GPC5: variants seen among roughly 807,000 people sequenced by gnomAD.
GPC5 encodes the protein glypican 5.
Under a neutral mutation model 53.9 loss-of-function variants are expected in GPC5, and 47 were observed. That is an observed-to-expected ratio of 0.87 (90% CI 0.69 to 1.11). The LOEUF (loss-of-function observed/expected upper bound fraction) is 1.11. Ranked by LOEUF, GPC5 falls within the 50% of genes most tolerant of loss-of-function variation. GPC5 has a pLI of 0.00. For missense variants in GPC5, 748 were observed against 713.1 expected, an observed-to-expected ratio of 1.05 and a Z score of -0.56; for synonymous variants, 286 against 263.3, an observed-to-expected ratio of 1.09 and a Z score of -0.84.
chr13:92,857,607 T>C (rs1879042939), intron 7 of GPC5, among the ~76,000 whole-genome samples: 1 of 151,960 alleles, frequency 6.6e-6, no homozygotes, highest in African/African-American at 2.4e-5. Flanking sequence ...ATAAGGAAGT[T>C]AAACAAATCA....
chr13:92,462,194 G>A (rs67133719), intron 7 of GPC5, among the ~76,000 whole-genome samples: 29,740 of 152,092 alleles, frequency 0.2, 3,244 homozygotes, highest in East Asian at 0.43. Flanking sequence ...TGACATTTTC[G>A]TAGGATCACT....
At chr13:92,671,080 C>T (rs1309508651) in intron 7 of GPC5, among the ~76,000 whole-genome samples, 1 of 152,038 alleles carries the variant, frequency 6.6e-6, no homozygotes, top group African/African-American at 2.4e-5. Flanking sequence ...AAGATGAAAG[C>T]AGTAAGAAAG....
chr13:91,818,808 A>C (rs181651984), intron 5 of GPC5, among the ~76,000 whole-genome samples: 100 of 152,262 alleles, frequency 6.6e-4, no homozygotes, highest in African/African-American at 2.3e-3. Context: ...TAAATACAAG[A>C]TGTTTTAGAG....
chr13:92,663,060 A>C (rs1021920675), intron 7 of GPC5, among the ~76,000 whole-genome samples: 4 of 152,098 alleles, frequency 2.6e-5, no homozygotes, highest in African/African-American at 9.7e-5. Context: ...CATGCAAGCC[A>C]ACAATTTAAA....
At chr13:92,062,898 A>T (rs1419667951) in intron 6 of GPC5, among the ~76,000 whole-genome samples, 35 of 152,036 alleles carry the variant, frequency 2.3e-4, no homozygotes, top group Non-Finnish European at 2.9e-5. Flanking sequence ...ATTGCTGGAG[A>T]TACAGTTATG....
chr13:91,448,462 C>T (rs1880952090), intron 1 of GPC5, among the ~76,000 whole-genome samples: 2 of 152,144 alleles, frequency 1.3e-5, no homozygotes, highest in South Asian at 4.1e-4. Flanking sequence ...CCACAAAAAA[C>T]CTTTTTCTTG....
chr13:92,112,723 T>C (rs989967735), intron 6 of GPC5, among the ~76,000 whole-genome samples: 1 of 152,146 alleles, frequency 6.6e-6, no homozygotes, highest in African/African-American at 2.4e-5. Flanking sequence ...TTTGTGTCCA[T>C]GTGCATGTAT....
chr13:92,455,393 T>C (rs1423589498), intron 7 of GPC5, among the ~76,000 whole-genome samples: 1 of 152,186 alleles, frequency 6.6e-6, no homozygotes, highest in Non-Finnish European at 1.5e-5. Context: ...TCTCTAAAAA[T>C]TCAAGATTTA....
chr13:91,600,499 A>G (rs1044523751), intron 2 of GPC5, among the ~76,000 whole-genome samples: 1 of 152,166 alleles, frequency 6.6e-6, no homozygotes, highest in Non-Finnish European at 1.5e-5. Context: ...AATGTACATC[A>G]TAAATATAAA....
intron 2 of GPC5, among the ~76,000 whole-genome samples, chr13:91,608,149 G>A (rs2033433383): frequency 6.6e-6 from 1 of 152,148 alleles, no homozygotes; most frequent in South Asian, 2.1e-4. Context: ...TAGGGTAGAT[G>A]GGAATATGGT....
At chr13:91,913,016 T>A (rs1314047210) in intron 6 of GPC5, among the ~76,000 whole-genome samples, 1 of 152,188 alleles carries the variant, frequency 6.6e-6, no homozygotes, top group East Asian at 1.9e-4. Flanking sequence ...CCAAGGTAAC[T>A]GTCCTGTACA....
chr13:91,518,632 A>C (rs1243882619), intron 2 of GPC5, among the ~76,000 whole-genome samples: 1 of 152,110 alleles, frequency 6.6e-6, no homozygotes, highest in Non-Finnish European at 1.5e-5. Flanking sequence ...AGCTCACTGC[A>C]AGCTCCGCCT....
chr13:92,710,252 G>A (rs1180332354), intron 7 of GPC5, among the ~76,000 whole-genome samples: 1 of 152,090 alleles, frequency 6.6e-6, no homozygotes, highest in Admixed American at 6.5e-5. Context: ...AGGAAGTTGT[G>A]AAAATCCAAC....
intron 5 of GPC5, among the ~76,000 whole-genome samples, chr13:91,765,371 A>C (rs1053926784): frequency 6.6e-6 from 1 of 152,222 alleles, no homozygotes; most frequent in Non-Finnish European, 1.5e-5. Flanking sequence ...ACTGAAAACA[A>C]GGTTTCAGTC....
chr13:92,002,442 G>A (rs2040563996), intron 6 of GPC5, among the ~76,000 whole-genome samples: 1 of 152,140 alleles, frequency 6.6e-6, no homozygotes, highest in African/African-American at 2.4e-5. Context: ...AACTGGGCAG[G>A]AGTCAATAAA....
At chr13:92,075,255 A>G (rs1462869686) in intron 6 of GPC5, among the ~76,000 whole-genome samples, 1 of 152,212 alleles carries the variant, frequency 6.6e-6, no homozygotes, top group Non-Finnish European at 1.5e-5. Flanking sequence ...CATCTCAAGC[A>G]AAATTTATAC....
rs369622956 is a variant in GPC5 at position 91,523,776 on chromosome 13, G to A, written c.325+74854G>A. 1.3e-3 allele frequency among the ~76,000 whole-genome samples: 195 copies of A among 152,226 alleles called. 1 individual carries two copies. The highest frequency in any genetic ancestry group is 4.4e-3 in the African/African-American group (184 of 41,542). Reference sequence around the variant, plus strand: ...TGTGAGGTGATGGATACATTAATTAGCTTAAATGTAGTTAATCACTTTATG... The same window carrying A: ...TGTGAGGTGATGGATACATTAATTAACTTAAATGTAGTTAATCACTTTATG... On this transcript the variant is annotated intron_variant, in intron 2 of 7. Coordinates refer to ENST00000377067, the MANE Select transcript of GPC5 (RefSeq NM_004466.6).
chr13:92,643,800 C>T (rs186845885), intron 7 of GPC5, among the ~76,000 whole-genome samples: 7,060 of 150,320 alleles, frequency 0.047, 229 homozygotes, highest in African/African-American at 0.091. Context: ...GTGGGTGCAG[C>T]GCACCAGCAT....
chr13:92,104,265 A>G (rs1352651757), intron 6 of GPC5, among the ~76,000 whole-genome samples: 1 of 152,280 alleles, frequency 6.6e-6, no homozygotes, highest in East Asian at 1.9e-4. Context: ...GAAGGCTACC[A>G]GGGAGCAGGG....
Sources: gnomAD v4.1 joint callset for allele counts (sites outside exome capture counted in the v4.1 genomes callset) on GRCh38, gnomAD v4.1.1 for gene constraint, MANE v1.5 for transcripts, NCBI Gene and HGNC (gene_info 2026-07-23, HGNC 2026-07-21) for gene names.